UBE2V2: variants seen among roughly 807,000 people sequenced by gnomAD.
The protein encoded by UBE2V2 is ubiquitin-conjugating enzyme E2 variant 2.
UBE2V2 carries 9 observed loss-of-function variants against 17.2 expected under a neutral mutation model. That is an observed-to-expected ratio of 0.52 (90% confidence interval 0.32 to 0.91). The LOEUF is 0.91. UBE2V2 is among the 40% of genes least tolerant of loss of function. The pLI, the probability that UBE2V2 is intolerant of heterozygous loss-of-function variation, is 0.04. For missense variants in UBE2V2, 133 were observed against 182.6 expected, an observed-to-expected ratio of 0.73 and a Z score of 1.56; for synonymous variants, 61 against 57.5, an observed-to-expected ratio of 1.06 and a Z score of -0.28.
chr8:48,012,255 G>A (rs1440878487), intron 1 of UBE2V2, among the ~76,000 whole-genome samples: 6 of 152,104 alleles, frequency 3.9e-5, no homozygotes. Context: ...GCCCTCACCA[G>A]CTAGGTTCTC....
Position 48,008,445 on chromosome 8 carries a change from G to C in UBE2V2, c.-10G>C, listed in dbSNP as rs764568158. The C allele has an allele frequency of 2.0e-5, 31 of 1,566,162 alleles. No homozygotes were observed. Among genetic ancestry groups the C allele is most frequent in the Non-Finnish European group, 2.3e-5 (27 of 1,158,676 alleles). On this transcript the variant is annotated 5_prime_UTR_variant, in exon 1 of 4. Transcript: ENST00000523111. Reference sequence around the variant, plus strand: ...TGCGTGCGGGCGGCTGCGTCGGGCTGCAGGAGAAGATGGCGGTCTCCACAG... The same window carrying C: ...TGCGTGCGGGCGGCTGCGTCGGGCTCCAGGAGAAGATGGCGGTCTCCACAG...
chr8:48,034,912 C>G (rs1422068325), intron 1 of UBE2V2: 1 of 492,036 alleles, frequency 2.0e-6, no homozygotes, highest in Non-Finnish European at 2.6e-6. Context: ...AGGCTTGTTG[C>G]CCGGGACGCC....
At chr8:48,011,627 G>C (rs537396359) in intron 1 of UBE2V2, among the ~76,000 whole-genome samples, 1 of 152,326 alleles carries the variant, frequency 6.6e-6, no homozygotes, top group Admixed American at 6.5e-5. Flanking sequence ...TACTGGAAGA[G>C]AATTTTGGAA....
At position 48,025,125 on chromosome 8, in the gene UBE2V2, G is replaced by A. The variant is rs187058707; in HGVS notation, c.16+16655G>A. 6.3e-4 allele frequency among the ~76,000 whole-genome samples: 96 copies of A among 151,992 alleles called. 1 individual carries two copies. The highest frequency in any genetic ancestry group is 2.5e-3 in the Admixed American group (38 of 15,252). On this transcript the variant is annotated intron_variant, in intron 1 of 3. Coordinates refer to ENST00000523111, the MANE Select transcript of UBE2V2 (RefSeq NM_003350.3). ...AGCTTGTTGTATTTTTAGTAGAAAC[G>A]GGGTTTCACCGTGTTAGCCAGGAGA...
intron 1 of UBE2V2, among the ~76,000 whole-genome samples, chr8:48,040,979 C>T (rs1426646322): frequency 1.3e-5 from 2 of 148,954 alleles, no homozygotes; most frequent in African/African-American, 2.5e-5. Flanking sequence ...ATTCTCCTGC[C>T]TCAGCCTCCC....
chr8:48,048,856 A>G (rs1040998810), intron 2 of UBE2V2, among the ~76,000 whole-genome samples: 1 of 151,866 alleles, frequency 6.6e-6, no homozygotes, highest in Admixed American at 6.6e-5. Flanking sequence ...TTTCACTTTC[A>G]TTTATTTATG....
At position 48,035,463 on chromosome 8, in the gene UBE2V2, C is replaced by T. The variant is rs145205445; in HGVS notation, c.17-7570C>T. ...CTGATAAAACAGGTAGGAAGGTTTG[C>T]GCAGCTTCAAGGGGAGGAGGGGTGT... On this transcript the variant is annotated intron_variant, in intron 1 of 3. Coordinates refer to ENST00000523111, the MANE Select transcript of UBE2V2 (RefSeq NM_003350.3). Among the ~76,000 whole-genome samples the T allele has an allele frequency of 1.1e-3, 163 of 151,822 alleles. 1 individual carries two copies. Among genetic ancestry groups the T allele is most frequent in the Non-Finnish European group, 1.5e-3 (102 of 67,938 alleles).
chr8:48,001,944 C>G, the UBE2V2 span, among the ~76,000 whole-genome samples: 1 of 152,020 alleles, frequency 6.6e-6, no homozygotes, highest in African/African-American at 2.4e-5. Flanking sequence ...ACAAAATGAG[C>G]CGGACGTGGT....
At chr8:47,999,466 C>T in the UBE2V2 span, among the ~76,000 whole-genome samples, 1 of 151,908 alleles carries the variant, frequency 6.6e-6, no homozygotes, top group Non-Finnish European at 1.5e-5. Flanking sequence ...AAGTGATTCT[C>T]CTGCCTCAGC....
At chr8:48,051,720 C>G (rs1279098828) in intron 3 of UBE2V2, among the ~76,000 whole-genome samples, 1 of 152,142 alleles carries the variant, frequency 6.6e-6, no homozygotes, top group Non-Finnish European at 1.5e-5. Context: ...AGCTCCCTGC[C>G]CCTCAACCCC....
intron 2 of UBE2V2, among the ~76,000 whole-genome samples, chr8:48,047,748 A>G (rs781106122): frequency 6.6e-6 from 1 of 152,004 alleles, no homozygotes; most frequent in African/African-American, 2.4e-5. Flanking sequence ...GGGTTTCACC[A>G]TGTTGGCCAG....
intron 2 of UBE2V2, among the ~76,000 whole-genome samples, chr8:48,047,501 TCTC>T (rs1163497397): frequency 6.6e-6 from 1 of 152,110 alleles, no homozygotes; most frequent in Non-Finnish European, 1.5e-5. Context: ...AGTTTGTTTT[TCTC>T]CTCTTTTTTT....
intron 1 of UBE2V2, among the ~76,000 whole-genome samples, chr8:48,023,226 T>G (rs904405131): frequency 2.0e-5 from 3 of 151,944 alleles, no homozygotes; most frequent in African/African-American, 2.4e-5. Context: ...TATACTTTTT[T>G]TTTTTTTTGA....
At chr8:48,047,612 C>G (rs2091508352) in intron 2 of UBE2V2, among the ~76,000 whole-genome samples, 1 of 151,076 alleles carries the variant, frequency 6.6e-6, no homozygotes, top group African/African-American at 2.4e-5. Flanking sequence ...GGCTGGAGTG[C>G]AGTGGCGTGA....
chr8:48,022,547 G>A (rs1193174748), intron 1 of UBE2V2, among the ~76,000 whole-genome samples: 2 of 152,148 alleles, frequency 1.3e-5, no homozygotes, highest in Non-Finnish European at 2.9e-5. Flanking sequence ...CACCATTACA[G>A]TATTAGTGTA....
rs529270148 is a variant in UBE2V2, at chr8:48,008,480, C to T, written c.16+10C>T. ...ATGGCGGTCTCCACAGGTCGGTTCC[C>T]GGGCCGGGCTGCGTGATTTTCCGCT... On this transcript the variant is annotated intron_variant, in intron 1 of 3. Transcript: ENST00000523111. The T allele has an allele frequency of 5.7e-6, 9 of 1,566,854 alleles. No individual in the cohort carries two copies. The highest frequency in any genetic ancestry group is 2.3e-5 in the South Asian group (2 of 86,934).
rs546913801 is a variant in UBE2V2 at position 48,012,933 on chromosome 8, C to G, written c.16+4463C>G. On this transcript the variant is annotated intron_variant, in intron 1 of 3. Coordinates refer to ENST00000523111, the MANE Select transcript of UBE2V2 (RefSeq NM_003350.3). ...TGATCTGGGCTCACTGCAACCTCTG[C>G]CTCCTGGGTTCAAGTGATTCTCCTG... Among the ~76,000 whole-genome samples, 5 of 151,812 alleles carry G rather than the reference C, an allele frequency of 3.3e-5. No homozygotes were observed. In the South Asian group the frequency reaches 8.3e-4, roughly 25 times the overall value.
At chr8:48,010,879 T>C (rs1160073378) in intron 1 of UBE2V2, among the ~76,000 whole-genome samples, 1 of 149,206 alleles carries the variant, frequency 6.7e-6, no homozygotes, top group Non-Finnish European at 1.5e-5. Context: ...TTTGTATATA[T>C]ATATTTTTTT....
chr8:48,047,274 A>G (rs1249225560), intron 2 of UBE2V2, among the ~76,000 whole-genome samples: 1 of 151,880 alleles, frequency 6.6e-6, no homozygotes, highest in Non-Finnish European at 1.5e-5. Context: ...TCTAGTATTT[A>G]TTTGGATTTA....
Sources: allele counts gnomAD v4.1 joint callset (sites outside exome capture counted in the v4.1 genomes callset), GRCh38; gene constraint gnomAD v4.1.1; transcripts MANE v1.5; gene names NCBI Gene and HGNC (gene_info 2026-07-23, HGNC 2026-07-21).